GHR: variants seen among roughly 807,000 people sequenced by gnomAD.
GHR encodes the protein GH receptor.
Under a neutral mutation model 67.1 loss-of-function variants are expected in GHR, and 35 were observed. The observed-to-expected ratio is 0.52, with a 90% confidence interval of 0.40 to 0.69. GHR has a LOEUF of 0.69. GHR is among the 30% of genes least tolerant of loss of function. GHR has a pLI of 0.00. For missense variants in GHR, 792 were observed against 764.6 expected, an observed-to-expected ratio of 1.04 and a Z score of -0.42; for synonymous variants, 272 against 269.1, an observed-to-expected ratio of 1.01 and a Z score of -0.10.
intron 2 of GHR, among the ~76,000 whole-genome samples, chr5:42,581,220 T>C (rs1249836953): frequency 6.6e-6 from 1 of 152,178 alleles, no homozygotes; most frequent in African/African-American, 2.4e-5. Flanking sequence ...AGGAATAAAC[T>C]CCAGTCAAAA....
At chr5:42,576,046 T>TAAATAAAATAAAATAA (rs66522211) in intron 2 of GHR, among the ~76,000 whole-genome samples, 2 of 55,884 alleles carry the variant, frequency 3.6e-5, no homozygotes, top group African/African-American at 1.4e-4. Flanking sequence ...AAAATTAAAA[T>TAAATAAAATAAAATAA]AATAAAATAA....
intron 3 of GHR, among the ~76,000 whole-genome samples, chr5:42,636,619 C>G (rs1754207831): frequency 2.0e-5 from 3 of 152,282 alleles, no homozygotes; most frequent in South Asian, 4.1e-4. Context: ...CCAGAAAAGC[C>G]CTTTGTTCAC....
chr5:42,670,872 A>AG (rs1454194507), intron 3 of GHR, among the ~76,000 whole-genome samples: 1 of 91,284 alleles, frequency 1.1e-5, no homozygotes, highest in Non-Finnish European at 2.2e-5. Context: ...AATTAAAAAA[A>AG]AAAAAAAAAT....
chr5:42,586,079 C>A (rs1206466521), intron 2 of GHR, among the ~76,000 whole-genome samples: 1 of 152,112 alleles, frequency 6.6e-6, no homozygotes, highest in Non-Finnish European at 1.5e-5. Flanking sequence ...CTATGGCACA[C>A]AAATGTTTAA....
intron 1 of GHR, among the ~76,000 whole-genome samples, chr5:42,470,043 C>A (rs1744928714): frequency 7.4e-6 from 1 of 135,480 alleles, no homozygotes; most frequent in Admixed American, 7.8e-5. Context: ...ATATATACTA[C>A]TAATATAATT....
intron 1 of GHR, among the ~76,000 whole-genome samples, chr5:42,463,727 C>A (rs1448378706): frequency 1.3e-5 from 2 of 152,114 alleles, no homozygotes; most frequent in Admixed American, 1.3e-4. Flanking sequence ...GGCGCGGTGG[C>A]TCACGCCTGT....
chr5:42,671,957 A>G, intron 3 of GHR, among the ~76,000 whole-genome samples: 1 of 148,564 alleles, frequency 6.7e-6, no homozygotes, highest in South Asian at 2.1e-4. Flanking sequence ...CTCCGTCTCA[A>G]AAAAAAAAAA....
At chr5:42,505,115 G>A (rs1175484613) in intron 1 of GHR, among the ~76,000 whole-genome samples, 1 of 136,632 alleles carries the variant, frequency 7.3e-6, no homozygotes, top group Non-Finnish European at 1.6e-5. Flanking sequence ...GTTGGGAGCT[G>A]TTGACTGTTT....
chr5:42,553,247 T>C (rs1225845323), intron 1 of GHR, among the ~76,000 whole-genome samples: 2 of 152,170 alleles, frequency 1.3e-5, no homozygotes, highest in Admixed American at 6.5e-5. Context: ...AAGGCAGAAA[T>C]CAGTGTTGTT....
intron 1 of GHR, chr5:42,513,996 T>A (rs1351153166): frequency 2.5e-6 from 1 of 405,902 alleles, no homozygotes; most frequent in Non-Finnish European, 3.3e-6. Flanking sequence ...ATCCTGAAGG[T>A]CTTTGAAAAA....
intron 1 of GHR, among the ~76,000 whole-genome samples, chr5:42,492,306 AG>A (rs1746148790): frequency 6.6e-6 from 1 of 152,250 alleles, no homozygotes; most frequent in African/African-American, 2.4e-5. Context: ...TGAGAAGATT[AG>A]GAAAGAGATA....
chr5:42,569,733 A>G (rs78285955), intron 2 of GHR, among the ~76,000 whole-genome samples: 4,018 of 152,240 alleles, frequency 0.026, 180 homozygotes, highest in African/African-American at 0.091. Context: ...ACACATATAC[A>G]TATACATGTA....
intron 1 of GHR, among the ~76,000 whole-genome samples, chr5:42,487,758 G>T (rs756789813): frequency 6.6e-6 from 1 of 152,056 alleles, no homozygotes; most frequent in Non-Finnish European, 1.5e-5. Context: ...CATATATTTC[G>T]TCCATCGGCC....
intron 1 of GHR, chr5:42,468,371 C>G (rs1208850983): frequency 2.2e-6 from 3 of 1,336,896 alleles, no homozygotes; most frequent in Non-Finnish European, 3.1e-6. Flanking sequence ...CTGCCCAGCA[C>G]AGGTCAAACC....
intron 3 of GHR, chr5:42,659,278 G>A (rs565773858): frequency 6.6e-6 from 1 of 152,208 alleles, no homozygotes; most frequent in Admixed American, 6.5e-5. Flanking sequence ...CTGAAATCCA[G>A]CTAGCTTCAA....
At chr5:42,540,620 C>T (rs1382315893) in intron 1 of GHR, among the ~76,000 whole-genome samples, 2 of 152,166 alleles carry the variant, frequency 1.3e-5, no homozygotes, top group African/African-American at 4.8e-5. Context: ...TTCCTGGGCT[C>T]TCTGGTAGAA....
rs989982191 is a variant in GHR at position 42,488,864 on chromosome 5, C to T, written c.-12+64909C>T. Among the ~76,000 whole-genome samples the T allele has an allele frequency of 3.9e-5, 6 of 152,284 alleles. No individual in the cohort carries two copies. The East Asian group carries it at 1.2e-3, about 29-fold the overall frequency. On this transcript the variant is annotated intron_variant, in intron 1 of 9. Transcript: ENST00000230882. ...TGCATGGATTATTTTATTTACTCTT[C>T]ACAATAACCCTATAAAGTAGACTAT... is the stretch of plus-strand genomic sequence containing the variant.
intron 1 of GHR, among the ~76,000 whole-genome samples, chr5:42,426,938 G>C (rs955877705): frequency 6.6e-6 from 1 of 151,856 alleles, no homozygotes; most frequent in African/African-American, 2.4e-5. Flanking sequence ...CTTTTTCATT[G>C]GTCAGTCCAT....
intron 3 of GHR, among the ~76,000 whole-genome samples, chr5:42,670,865 TAAAAA>T (rs71608658): frequency 2.7e-5 from 3 of 112,162 alleles, no homozygotes; most frequent in Non-Finnish European, 3.8e-5. Flanking sequence ...AAGCAAAAAT[TAAAAA>T]AAAAAAAAAA....
Sources: gnomAD v4.1 joint callset for allele counts (sites outside exome capture counted in the v4.1 genomes callset) on GRCh38, gnomAD v4.1.1 for gene constraint, MANE v1.5 for transcripts, NCBI Gene and HGNC (gene_info 2026-07-23, HGNC 2026-07-21) for gene names.